The following PTPRD variants were observed in gnomAD, a reference collection of about 807,000 sequenced individuals.
PTPRD encodes protein tyrosine phosphatase receptor type D.
PTPRD carries 34 observed loss-of-function variants against 214.5 expected under a neutral mutation model. The ratio of observed to expected loss-of-function variants is 0.16; its 90% confidence interval spans 0.12 to 0.21. PTPRD has a LOEUF of 0.21. PTPRD is among the 10% of genes least tolerant of loss of function. PTPRD has a pLI of 1.00. For synonymous variants in PTPRD, 1,128 were observed against 845.7 expected, an observed-to-expected ratio of 1.33 and a Z score of -5.79; for missense variants, 2,545 against 2,398.7, an observed-to-expected ratio of 1.06 and a Z score of -1.27.
chr9:9,551,160 G>T (rs1027323522), intron 8 of PTPRD, among the ~76,000 whole-genome samples: 2 of 151,898 alleles, frequency 1.3e-5, no homozygotes, highest in Non-Finnish European at 2.9e-5. Flanking sequence ...AATGTTTCAA[G>T]GAGCTGGGGT....
chr9:8,706,462 C>T (rs1248816631), intron 12 of PTPRD, among the ~76,000 whole-genome samples: 2 of 152,136 alleles, frequency 1.3e-5, no homozygotes, highest in African/African-American at 4.8e-5. Flanking sequence ...CATGGTTTTG[C>T]CAATTCAATT....
chr9:10,259,110 C>A (rs962363085), intron 3 of PTPRD, among the ~76,000 whole-genome samples: 33 of 152,102 alleles, frequency 2.2e-4, no homozygotes, highest in Admixed American at 6.5e-5. Context: ...GCAAGCTCCA[C>A]CTCCCGGGTT....
At chr9:9,433,904 G>A (rs2084180315) in intron 8 of PTPRD, among the ~76,000 whole-genome samples, 1 of 152,188 alleles carries the variant, frequency 6.6e-6, no homozygotes. Flanking sequence ...CTTTGTGGCT[G>A]AGGGTTTGGC....
intron 5 of PTPRD, among the ~76,000 whole-genome samples, chr9:9,805,733 C>T (rs1316484676): frequency 6.6e-6 from 1 of 152,124 alleles, no homozygotes; most frequent in Non-Finnish European, 1.5e-5. Flanking sequence ...CCTAATTACT[C>T]TATTCTCAAA....
chr9:8,793,896 G>C (rs911177633), intron 11 of PTPRD, among the ~76,000 whole-genome samples: 2 of 152,164 alleles, frequency 1.3e-5, no homozygotes, highest in African/African-American at 4.8e-5. Context: ...CAAAACTGAA[G>C]GCTATCAGAG....
chr9:8,679,826 A>G (rs755148251), intron 12 of PTPRD, among the ~76,000 whole-genome samples: 1 of 152,198 alleles, frequency 6.6e-6, no homozygotes, highest in Non-Finnish European at 1.5e-5. Context: ...ATAGCTTATG[A>G]CTGTTGAGCA....
At chr9:9,323,801 C>A (rs1006760431) in intron 9 of PTPRD, among the ~76,000 whole-genome samples, 1 of 152,122 alleles carries the variant, frequency 6.6e-6, no homozygotes, top group African/African-American at 2.4e-5. Flanking sequence ...ATTAACTCGT[C>A]ATTTACATTA....
chr9:8,315,122 A>C lies in PTPRD; in HGVS notation c.*2752T>G, dbSNP rs1212983626. 8.6e-6 allele frequency: 2 copies of C among 232,546 alleles called. No homozygotes were observed. Among genetic ancestry groups the C allele is most frequent in the Non-Finnish European group, 1.7e-5 (2 of 117,396 alleles). 14.4% of individuals were successfully genotyped at this position (232,546 alleles called of 1,614,324 possible). A position where few individuals can be genotyped will look rare whatever the true frequency, so the allele number is the denominator to read the frequency against. On this transcript the variant is annotated 3_prime_UTR_variant, in exon 46 of 46. Transcript: ENST00000381196. ...TGAAAGCTTGTGGTAATGGCAGATA[A>C]AGATGGTTCACCTGGGAAATTAAAA...
intron 9 of PTPRD, among the ~76,000 whole-genome samples, chr9:9,184,656 C>G (rs1052854144): frequency 6.6e-6 from 1 of 151,990 alleles, no homozygotes; most frequent in East Asian, 1.9e-4. Context: ...TAGCACTTAG[C>G]CTGTTTGGTT....
At chr9:9,994,941 A>G (rs2154083693) in intron 4 of PTPRD, among the ~76,000 whole-genome samples, 1 of 152,210 alleles carries the variant, frequency 6.6e-6, no homozygotes, top group Admixed American at 6.5e-5. Flanking sequence ...TATTCACTGT[A>G]TTTTAAATTA....
At chr9:10,561,429 T>G (rs2063937703) in intron 2 of PTPRD, among the ~76,000 whole-genome samples, 1 of 152,168 alleles carries the variant, frequency 6.6e-6, no homozygotes, top group African/African-American at 2.4e-5. Context: ...GTGTTATTTC[T>G]CCACTGCAAC....
At chr9:9,615,354 T>C (rs1174774239) in intron 7 of PTPRD, among the ~76,000 whole-genome samples, 1 of 152,142 alleles carries the variant, frequency 6.6e-6, no homozygotes, top group Non-Finnish European at 1.5e-5. Context: ...CTGCTGGCAC[T>C]GCACTATAAA....
chr9:10,019,036 A>G (rs1212535409), intron 4 of PTPRD, among the ~76,000 whole-genome samples: 1 of 152,152 alleles, frequency 6.6e-6, no homozygotes, highest in African/African-American at 2.4e-5. Context: ...CATCTGACAA[A>G]GGGCTAATAT....
rs2099928835 is a variant in PTPRD at position 9,182,592 on chromosome 9, A to G, written c.-143+712T>C. The stretch of plus-strand genomic sequence containing the variant: ...TTCAAAGAATTATCTTTGTAGGATT[A>G]GAAACACACTATTAAACTGCAATGG... On this transcript the variant is annotated intron_variant, in intron 10 of 45. Coordinates refer to ENST00000381196, the MANE Select transcript of PTPRD (RefSeq NM_002839.4). 2.6e-5 allele frequency among the ~76,000 whole-genome samples: 4 copies of G among 152,058 alleles called. No individual in the cohort carries two copies. In the South Asian group the frequency reaches 8.3e-4, roughly 31 times the overall value.
chr9:9,634,842 G>A (rs1241443320), intron 7 of PTPRD, among the ~76,000 whole-genome samples: 2 of 152,046 alleles, frequency 1.3e-5, no homozygotes, highest in African/African-American at 4.8e-5. Context: ...CACAGAGCAG[G>A]GATTACAAGT....
At chr9:10,158,802 G>C (rs2099109691) in intron 3 of PTPRD, among the ~76,000 whole-genome samples, 1 of 152,136 alleles carries the variant, frequency 6.6e-6, no homozygotes, top group Non-Finnish European at 1.5e-5. Flanking sequence ...CAGTACCTCA[G>C]GTCCACTGGC....
intron 10 of PTPRD, among the ~76,000 whole-genome samples, chr9:9,127,931 C>T (rs2099836576): frequency 6.6e-6 from 1 of 152,180 alleles, no homozygotes; most frequent in Non-Finnish European, 1.5e-5. Context: ...ATCTGGTCTA[C>T]AAGGTACCCC....
chr9:9,939,101 T>G (rs2090598387), intron 4 of PTPRD, among the ~76,000 whole-genome samples: 1 of 152,172 alleles, frequency 6.6e-6, no homozygotes, highest in Non-Finnish European at 1.5e-5. Context: ...TATGCTCTTT[T>G]GTATTTCTCA....
chr9:9,019,309 A>G lies in PTPRD; in HGVS notation c.-142-574T>C, dbSNP rs146086865. Among the ~76,000 whole-genome samples the G allele has an allele frequency of 7.9e-3, 854 of 107,878 alleles. 27 individuals are homozygous for G. The South Asian group carries it at 0.12, about 15-fold the overall frequency. The allele number at this position is 107,878 out of a possible 152,430, so 70.8% of individuals were successfully genotyped here. ...GAAAGAAAGAAAGAAAGAAAGAAAG[A>G]AAGAAAGAAAGAAAGAAAGAAAGAA... is the stretch of plus-strand genomic sequence containing the variant. On this transcript the variant is annotated intron_variant, in intron 10 of 45. Coordinates refer to ENST00000381196, the MANE Select transcript of PTPRD (RefSeq NM_002839.4).
Sources: gnomAD v4.1 joint callset for allele counts (sites outside exome capture counted in the v4.1 genomes callset) on GRCh38, gnomAD v4.1.1 for gene constraint, MANE v1.5 for transcripts, NCBI Gene and HGNC (gene_info 2026-07-23, HGNC 2026-07-21) for gene names.